The following KCNMB2 variants were observed in gnomAD, a reference collection of about 807,000 sequenced individuals.
KCNMB2 encodes calcium-activated potassium channel subunit beta-2.
In KCNMB2, 9 loss-of-function variants were observed where a neutral mutation model predicts 24.5. The observed-to-expected ratio is 0.37, with a 90% CI of 0.22 to 0.64. The LOEUF (loss-of-function observed/expected upper bound fraction) is 0.64. Among genes scored for constraint, KCNMB2 ranks in the 30% least tolerant of loss-of-function variants. The probability of loss-of-function intolerance (pLI) is 0.63; values close to 1 mark genes in which losing one functional copy is unlikely to be tolerated. For missense variants in KCNMB2, 226 were observed against 284.3 expected (o/e 0.79, Z 1.47); for synonymous variants, 109 against 104.4 (o/e 1.04, Z -0.27).
At chr3:178,840,899 T>C (rs1212596854) in intron 4 of KCNMB2, among the ~76,000 whole-genome samples, 1 of 152,252 alleles carries the variant, frequency 6.6e-6, no homozygotes, top group Non-Finnish European at 1.5e-5. Context: ...TATGCCAATT[T>C]CTGCAGGAAG....
chr3:178,801,750 C>T (rs1461551510), intron 1 of KCNMB2: 1 of 152,202 alleles, frequency 6.6e-6, no homozygotes, highest in African/African-American at 2.4e-5. Flanking sequence ...ATTCAGCAAG[C>T]TGAGAGCTTA....
intron 1 of KCNMB2, among the ~76,000 whole-genome samples, chr3:178,707,917 C>T (rs1722331619): frequency 1.3e-5 from 2 of 152,130 alleles, no homozygotes; most frequent in African/African-American, 4.8e-5. Flanking sequence ...AAGGCAATTG[C>T]TCAAACTTTA....
intron 1 of KCNMB2, among the ~76,000 whole-genome samples, chr3:178,660,411 A>G (rs1249614857): frequency 6.6e-6 from 1 of 152,078 alleles, no homozygotes; most frequent in East Asian, 1.9e-4. Context: ...ATGAAGCCCA[A>G]CCCACTTGGC....
At chr3:178,700,081 C>T (rs1276066433) in intron 1 of KCNMB2, among the ~76,000 whole-genome samples, 1 of 152,200 alleles carries the variant, frequency 6.6e-6, no homozygotes, top group Non-Finnish European at 1.5e-5. Flanking sequence ...CTATCCAAGC[C>T]AGTATTACCA....
At chr3:178,700,637 T>C (rs1722053832) in intron 1 of KCNMB2, among the ~76,000 whole-genome samples, 1 of 152,218 alleles carries the variant, frequency 6.6e-6, no homozygotes, top group Non-Finnish European at 1.5e-5. Flanking sequence ...CCATGCCTAA[T>C]ATGACTGAGA....
chr3:178,815,164 G>C (rs947073847), intron 2 of KCNMB2, among the ~76,000 whole-genome samples: 2 of 151,908 alleles, frequency 1.3e-5, no homozygotes, highest in Admixed American at 6.6e-5. Context: ...TTTGCAAAAG[G>C]GTCTCGCTCT....
At chr3:178,758,383 GATACATATATAT>G (rs1300235737) in intron 1 of KCNMB2, among the ~76,000 whole-genome samples, 4 of 3,770 alleles carry the variant, frequency 1.1e-3, no homozygotes, top group African/African-American at 6.0e-3. Context: ...TCCAAGAGGG[GATACATATATAT>G]ATATATATAT....
chr3:178,551,216 G>A (rs1308735191), intron 1 of KCNMB2, among the ~76,000 whole-genome samples: 1 of 152,148 alleles, frequency 6.6e-6, no homozygotes, highest in East Asian at 1.9e-4. Context: ...CTGGCTGTGA[G>A]GGCTTTTTAG....
In KCNMB2 at chr3:178,669,741, G is replaced by T. The variant is rs550134392; in HGVS notation, c.-68+133030G>T. Among the ~76,000 whole-genome samples, 15 of 152,170 alleles carry T rather than the reference G, an allele frequency of 9.9e-5. No homozygotes were observed. In the South Asian group the frequency reaches 1.2e-3, roughly 13 times the overall value. ...CATGAAACATAAAATCATAGGCTCT[G>T]GGAGCCAGCAGTAAAAAGGAAACTT... On this transcript the variant is annotated intron_variant, in intron 1 of 4. Coordinates refer to ENST00000452583, the MANE Select transcript of KCNMB2 (RefSeq NM_181361.3).
intron 1 of KCNMB2, among the ~76,000 whole-genome samples, chr3:178,657,722 G>A (rs1234544459): frequency 6.6e-6 from 1 of 152,208 alleles, no homozygotes; most frequent in Non-Finnish European, 1.5e-5. Flanking sequence ...TGGTTCTAGA[G>A]GCTGGGAAGT....
intron 1 of KCNMB2, among the ~76,000 whole-genome samples, chr3:178,667,988 G>A (rs536635999): frequency 6.6e-5 from 10 of 152,230 alleles, no homozygotes; most frequent in African/African-American, 1.9e-4. Flanking sequence ...GAGGGAGTAC[G>A]TATCTCTTTT....
intron 1 of KCNMB2, among the ~76,000 whole-genome samples, chr3:178,640,512 G>A (rs1719685901): frequency 6.6e-6 from 1 of 152,094 alleles, no homozygotes; most frequent in Non-Finnish European, 1.5e-5. Flanking sequence ...CCCAACACTG[G>A]GTATTACAAT....
chr3:178,727,483 C>A (rs1242300262), intron 1 of KCNMB2, among the ~76,000 whole-genome samples: 1 of 152,062 alleles, frequency 6.6e-6, no homozygotes, highest in Non-Finnish European at 1.5e-5. Context: ...AAGTTAATAA[C>A]CTTGAGATTT....
chr3:178,628,084 G>T (rs963304885), intron 1 of KCNMB2, among the ~76,000 whole-genome samples: 2 of 152,048 alleles, frequency 1.3e-5, no homozygotes, highest in African/African-American at 4.8e-5. Context: ...ATTTTTAACA[G>T]TTTCAAAATA....
chr3:178,691,105 G>GTTTTTTT (rs1310077931), intron 1 of KCNMB2, among the ~76,000 whole-genome samples: 20 of 32,952 alleles, frequency 6.1e-4, no homozygotes, highest in African/African-American at 4.0e-3. Context: ...TCCCCATTAA[G>GTTTTTTT]TCTTTTTTTT....
In KCNMB2 at chr3:178,798,798, G is replaced by A. The variant is rs920114791; in HGVS notation, c.-67-8545G>A. 5.3e-5 allele frequency among the ~76,000 whole-genome samples: 8 copies of A among 151,910 alleles called. No individual in the cohort carries two copies. The South Asian group carries it at 1.7e-3, about 32-fold the overall frequency. On this transcript the variant is annotated intron_variant, in intron 1 of 4. Transcript: ENST00000452583. ...GCTGGGCTTAATTACTAGGTGATGGGTTGATAGGTGCAGCAAACCACCATG... is the reference window on the plus strand; with the variant it reads ...GCTGGGCTTAATTACTAGGTGATGGATTGATAGGTGCAGCAAACCACCATG...
At chr3:178,568,854 TGATAGATAGATAGATA>T (rs5854811) in intron 1 of KCNMB2, among the ~76,000 whole-genome samples, 1 of 80,684 alleles carries the variant, frequency 1.2e-5, no homozygotes, top group Non-Finnish European at 2.5e-5. Flanking sequence ...GATAGATAGA[TGATAGATAGATAGATA>T]GATAGATAGA....
chr3:178,734,536 G>A (rs1297689633), intron 1 of KCNMB2, among the ~76,000 whole-genome samples: 1 of 152,132 alleles, frequency 6.6e-6, no homozygotes, highest in East Asian at 1.9e-4. Context: ...TAGCTGCACA[G>A]CTTGTCTCTG....
At chr3:178,615,351 C>T (rs1718667058) in intron 1 of KCNMB2, among the ~76,000 whole-genome samples, 1 of 150,462 alleles carries the variant, frequency 6.6e-6, no homozygotes, top group Admixed American at 6.6e-5. Context: ...TCTGTCCTTC[C>T]CTTCAGGATG....
Sources: allele counts gnomAD v4.1 joint callset (sites outside exome capture counted in the v4.1 genomes callset), GRCh38; gene constraint gnomAD v4.1.1; transcripts MANE v1.5; gene names NCBI Gene and HGNC (gene_info 2026-07-23, HGNC 2026-07-21).